DGAT1: variants seen among roughly 807,000 people sequenced by gnomAD.
DGAT1 encodes the protein ACAT related gene product 1.
DGAT1 carries 60 observed loss-of-function variants against 72.6 expected under a neutral mutation model. The observed-to-expected ratio is 0.83, with a 90% CI of 0.67 to 1.02. The LOEUF is 1.02. Among genes scored for constraint, DGAT1 ranks in the 50% least tolerant of loss-of-function variants. The pLI is 0.00. For missense variants in DGAT1, 592 were observed against 670.0 expected, an observed-to-expected ratio of 0.88 and a Z score of 1.29; for synonymous variants, 290 against 267.5, an observed-to-expected ratio of 1.08 and a Z score of -0.82.
At chr8:144,322,970 C>T (rs554125996) in intron 1 of DGAT1, among the ~76,000 whole-genome samples, 2 of 152,302 alleles carry the variant, frequency 1.3e-5, no homozygotes, top group East Asian at 1.9e-4. Flanking sequence ...GTGTAGACAC[C>T]GCCAGAGCCC....
In DGAT1 at chr8:144,318,319, G is replaced by A; in HGVS notation, c.618C>T (p.Leu206=). The change falls in exon 7 of 17, where the codon CTC becomes CTT. Residue 206 remains leucine, a synonymous_variant. Transcript: ENST00000528718. ...TGACGTCGCGGTAGGAGAAGAGCTT[G>A]AGGAAGAGGATGGTGTGCGCCATCA... ...LALMAHTILF[L]KLFSYRDVNS... 4 of 1,612,762 alleles carry A rather than the reference G, an allele frequency of 2.5e-6. No individual in the cohort carries two copies. The highest frequency in any genetic ancestry group is 3.4e-6 in the Non-Finnish European group (4 of 1,179,814).
chr8:144,325,008 G>T (rs569226480), intron 1 of DGAT1, among the ~76,000 whole-genome samples: 2 of 151,894 alleles, frequency 1.3e-5, no homozygotes, highest in African/African-American at 2.4e-5. Context: ...AGGTTGCAGT[G>T]AGCCAAGAAT....
chr8:144,317,214 T>A lies in DGAT1; in HGVS notation c.1133A>T (p.Asn378Ile). Residue 378 changes from asparagine to isoleucine, a missense_variant, in exon 14 of 17, where the codon AAC (asparagine) becomes ATC (isoleucine). Physicochemically the swap from Asn to Ile is moderately radical, Grantham distance 149. Transcript: ENST00000528718. ...ESVTYFWQNW[N>I]IPVHKWCIRH... ...GATGCACCACTTGTGCACAGGGATG[T>A]TCCAGTTCTGCCAGAAGTAGGTGAC... 2.5e-6 allele frequency: 4 copies of A among 1,610,554 alleles called. No homozygotes were observed. Among genetic ancestry groups the A allele is most frequent in the Non-Finnish European group, 3.4e-6 (4 of 1,177,554 alleles).
Position 144,318,486 on chromosome 8 carries a change from G to A in DGAT1, c.549C>T (p.Val183=), listed in dbSNP as rs201646671. ...CTGGAGTGATAGACTCAACCAGTAA[G>A]ACCACAGCCGCTGGGAAACACAGAA... is the stretch of plus-strand genomic sequence containing the variant. ...ATILCFPAAV[V]LLVESITPVG... The change falls in exon 6 of 17, where the codon GTC becomes GTT. Residue 183 remains valine, a synonymous_variant. Transcript: ENST00000528718. The A allele has an allele frequency of 6.2e-7, 1 of 1,611,472 alleles. No individual in the cohort carries two copies. The highest frequency in any genetic ancestry group is 1.1e-5 in the South Asian group (1 of 91,004).
Position 144,318,730 on chromosome 8 carries a change from G to C in DGAT1, c.437C>G (p.Ala146Gly). The change falls in exon 5 of 17, where the codon GCT (alanine) becomes GGT (glycine). Residue 146 changes from alanine to glycine, a missense_variant. By Grantham distance (60) the Ala-to-Gly change is moderately conservative. Transcript: ENST00000528718. The stretch of plus-strand genomic sequence containing the variant: ...CAGGCGCTTCTCAACCTGGAATGCA[G>C]CCACAGCAAAGACATTGGCCGCTGT... ...LVIAANVFAVAAFQVEKRLAV... is the reference protein window; with the variant it reads ...LVIAANVFAVGAFQVEKRLAV... 1 of 1,608,128 alleles carries C rather than the reference G, an allele frequency of 6.2e-7. No individual in the cohort carries two copies. Among genetic ancestry groups the C allele is most frequent in the South Asian group, 1.1e-5 (1 of 89,974 alleles).
Position 144,326,693 on chromosome 8 carries a change from C to G in DGAT1, c.-57G>C, listed in dbSNP as rs1283101227. On this transcript the variant is annotated 5_prime_UTR_variant, in exon 1 of 17. Transcript: ENST00000528718. ...GTGGGCCCGCCGGGTTCGTAGCGCCCGAGGCGCGCGGCCCCACCTCCGGGC... is the reference window on the plus strand; with the variant it reads ...GTGGGCCCGCCGGGTTCGTAGCGCCGGAGGCGCGCGGCCCCACCTCCGGGC... 2.6e-6 allele frequency: 3 copies of G among 1,132,886 alleles called. No homozygotes were observed. Among genetic ancestry groups the G allele is most frequent in the Non-Finnish European group, 3.2e-6 (3 of 924,038 alleles). 70.2% of individuals were successfully genotyped at this position (1,132,886 alleles called of 1,614,324 possible).
Position 144,314,858 on chromosome 8 carries a change from T to C in DGAT1, c.*1696A>G, listed in dbSNP as rs1428481132. On this transcript the variant is annotated 3_prime_UTR_variant, in exon 17 of 17. Coordinates refer to ENST00000528718, the MANE Select transcript of DGAT1 (RefSeq NM_012079.6). The stretch of plus-strand genomic sequence containing the variant: ...GGATGCTTGCAGCTAGCTCCGTGCC[T>C]GCCCGACTCCCCAGGACCAGCATGT... 3.2e-5 allele frequency: 31 copies of C among 975,444 alleles called. No individual in the cohort carries two copies. Among genetic ancestry groups the C allele is most frequent in the Non-Finnish European group, 3.5e-5 (29 of 819,750 alleles). The allele number at this position is 975,444 out of a possible 1,614,324, so 60.4% of individuals were successfully genotyped here.
chr8:144,320,112 C>G (rs1057269426), intron 2 of DGAT1, among the ~76,000 whole-genome samples: 1 of 152,232 alleles, frequency 6.6e-6, no homozygotes, highest in African/African-American at 2.4e-5. Context: ...CCAAAGCTGC[C>G]AATGGACGGT....
chr8:144,321,490 A>C (rs1285997533), intron 1 of DGAT1, 82 bp from the exon 2 acceptor site: 2 of 1,274,698 alleles, frequency 1.6e-6, no homozygotes, highest in East Asian at 4.7e-5. Flanking sequence ...CCCCCACCCC[A>C]GTGTCCTCGT....
chr8:144,319,231 C>G (rs1454948253), intron 2 of DGAT1, among the ~76,000 whole-genome samples, 163 bp from the exon 3 acceptor site: 1 of 152,170 alleles, frequency 6.6e-6, no homozygotes, highest in Non-Finnish European at 1.5e-5. Context: ...AGCTCTGAGA[C>G]TCAGCACCCA....
Position 144,326,565 on chromosome 8 carries a change from A to T in DGAT1, c.72T>A (p.Pro24=). The T allele has an allele frequency of 1.6e-6, 2 of 1,253,064 alleles. No individual in the cohort carries two copies. The highest frequency in any genetic ancestry group is 1.6e-5 in the African/African-American group (1 of 63,986). 77.6% of individuals were successfully genotyped at this position (1,253,064 alleles called of 1,614,324 possible). Residue 24 remains proline (P), a synonymous_variant, in exon 1 of 17, where the codon CCT becomes CCA. Coordinates refer to ENST00000528718, the MANE Select transcript of DGAT1 (RefSeq NM_012079.6). ...SRPSSHGGGG[P]AAAEEEVRDA... ...CCCGCACCTCCTCTTCCGCCGCCGC[A>T]GGCCCGCCGCCGCCGTGGCTCGAGG...
Position 144,320,447 on chromosome 8 carries a change from G to A in DGAT1, c.288+874C>T, listed in dbSNP as rs374551657. 2.0e-5 allele frequency among the ~76,000 whole-genome samples: 3 copies of A among 152,314 alleles called. No individual in the cohort carries two copies. The East Asian group carries it at 5.8e-4, about 29-fold the overall frequency. On this transcript the variant is annotated intron_variant, in intron 2 of 16. Transcript: ENST00000528718. ...CCCAGGGAACCTTCTAGGACCATGG[G>A]CGGTGGGGGATGTGGATGTGCGTGG... is the stretch of plus-strand genomic sequence containing the variant.
Position 144,317,335 on chromosome 8 carries a change from C to T in DGAT1, c.1092G>A (p.Trp364Ter). 1 of 1,613,738 alleles carries T rather than the reference C, an allele frequency of 6.2e-7. No homozygotes were observed. The highest frequency in any genetic ancestry group is 2.2e-5 in the East Asian group (1 of 44,874). Residue 364 changes from tryptophan (W) to a stop codon, truncating the protein, a stop_gained and splice_region_variant, in exon 13 of 17, where the codon TGG (tryptophan) becomes TGA (stop). Coordinates refer to ENST00000528718, the MANE Select transcript of DGAT1 (RefSeq NM_012079.6). LOFTEE classifies it high-confidence loss of function. ...AGGGACACCCCAGGGACACTCACCA[C>T]CAGTCCCGGTAGAACTCCCGGTCTC... Reference protein sequence around the residue: ...QFGDREFYRDWWNSESVTYFW... With the variant: ...QFGDREFYRD
In DGAT1 at chr8:144,318,344, A is replaced by C. The variant is rs1554847582; in HGVS notation, c.593T>G (p.Leu198Arg). ...GAGGAAGAGGATGGTGTGCGCCATC[A>C]GCGCCAGCAGGGAGCCCACTGCAGG... is the stretch of plus-strand genomic sequence containing the variant. ...SITPVGSLLA[L>R]MAHTILFLKL... The change falls in exon 7 of 17, where the codon CTG (leucine) becomes CGG (arginine). Residue 198 changes from leucine to arginine, a missense_variant. Physicochemically the swap from Leu to Arg is moderately radical, Grantham distance 102. Transcript: ENST00000528718. 1 of 1,611,660 alleles carries C rather than the reference A, an allele frequency of 6.2e-7. No homozygotes were observed. Among genetic ancestry groups the C allele is most frequent in the Non-Finnish European group, 8.5e-7 (1 of 1,179,154 alleles).
chr8:144,315,347 G>GGC lies in DGAT1; in HGVS notation c.*1206_*1207insGC, dbSNP rs1817164097. On this transcript the variant is annotated 3_prime_UTR_variant, in exon 17 of 17. Transcript: ENST00000528718. Reference sequence around the variant, plus strand: ...GCCCACCAGCCCCCACTGGGGTAGAGGGAGGATACCACCAAGGGAGCCCAC... The same window carrying GGC: ...GCCCACCAGCCCCCACTGGGGTAGAGGCGGAGGATACCACCAAGGGAGCCCAC... 1.0e-6 allele frequency: 1 copy of GGC among 985,376 alleles called. No homozygotes were observed. Among genetic ancestry groups the GGC allele is most frequent in the Non-Finnish European group, 1.2e-6 (1 of 829,978 alleles). 61.0% of individuals were successfully genotyped at this position (985,376 alleles called of 1,614,324 possible). A position where few individuals can be genotyped will look rare whatever the true frequency, so the allele number is the denominator to read the frequency against.
chr8:144,320,865 G>A (rs960340009), intron 2 of DGAT1, among the ~76,000 whole-genome samples: 1 of 152,152 alleles, frequency 6.6e-6, no homozygotes, highest in African/African-American at 2.4e-5. Flanking sequence ...AGCACAGGAA[G>A]CTCTTCTCAC....
rs186977343 is a variant in DGAT1, at chr8:144,314,669, G to C, written c.*1885C>G. 3.1e-6 allele frequency: 1 copy of C among 319,714 alleles called. No homozygotes were observed. Among genetic ancestry groups the C allele is most frequent in the Non-Finnish European group, 5.9e-6 (1 of 168,720 alleles). 19.8% of individuals were successfully genotyped at this position (319,714 alleles called of 1,614,324 possible). ...AGAGATACACAGATATATACACACA[G>C]TGGATGGACGGACAAGACAGGCAGA... On this transcript the variant is annotated 3_prime_UTR_variant, in exon 17 of 17. Coordinates refer to ENST00000528718, the MANE Select transcript of DGAT1 (RefSeq NM_012079.6).
chr8:144,323,846 C>T (rs1817524947), intron 1 of DGAT1, among the ~76,000 whole-genome samples: 1 of 152,254 alleles, frequency 6.6e-6, no homozygotes. Flanking sequence ...AGTGCAGCTC[C>T]AGGGCCAAGC....
intron 1 of DGAT1, among the ~76,000 whole-genome samples, chr8:144,325,603 T>C (rs1475678938): frequency 6.6e-6 from 1 of 152,182 alleles, no homozygotes; most frequent in Non-Finnish European, 1.5e-5. Flanking sequence ...AGGGGATTGC[T>C]CAAGGCCAGC....
Sources: allele counts gnomAD v4.1 joint callset (sites outside exome capture counted in the v4.1 genomes callset), GRCh38; gene constraint gnomAD v4.1.1; transcripts MANE v1.5; gene names NCBI Gene and HGNC (gene_info 2026-07-23, HGNC 2026-07-21).